The following CUEDC1 variants were observed in gnomAD, a reference collection of about 807,000 sequenced individuals.
CUEDC1 encodes CUE domain containing 1.
A neutral mutation model predicts 43.7 loss-of-function variants in CUEDC1; 30 were observed. That is an observed-to-expected ratio of 0.69 (90% CI 0.51 to 0.93). The LOEUF (loss-of-function observed/expected upper bound fraction) is 0.93, where lower values mean the gene tolerates loss of function less well. Ranked by LOEUF, CUEDC1 falls within the 40% of genes least tolerant of loss-of-function variation. The pLI is 0.00. For missense variants in CUEDC1, 486 were observed against 549.0 expected (o/e 0.89, Z 1.15); for synonymous variants, 223 against 223.6 (o/e 1.00, Z 0.02).
At position 57,928,483 on chromosome 17, in the gene CUEDC1, C is replaced by T. The variant is rs1262144398; in HGVS notation, c.-316+26742G>A. ...AGAATGGCGTGAACCCAGAAGGTGGCGCTTACAGTGAGCTGAGATCGCCAC... is the reference window on the plus strand; with the variant it reads ...AGAATGGCGTGAACCCAGAAGGTGGTGCTTACAGTGAGCTGAGATCGCCAC... On this transcript the variant is annotated intron_variant, in intron 1 of 10. Coordinates refer to ENST00000577830, the MANE Select transcript of CUEDC1 (RefSeq NM_001271875.2). Among the ~76,000 whole-genome samples the T allele has an allele frequency of 2.7e-5, 4 of 146,140 alleles. No individual in the cohort carries two copies. In the East Asian group the frequency reaches 6.0e-4, roughly 22 times the overall value.
rs2074284104 is a variant in CUEDC1 at position 57,885,842 on chromosome 17, C to T, written c.-278G>A. ...GCTGGGCGGCCGGTCATCCACACCC[C>T]CGGTGCATCCTGGCACCGGTTTCAC... is the stretch of plus-strand genomic sequence containing the variant. On this transcript the variant is annotated 5_prime_UTR_variant, in exon 2 of 11. Coordinates refer to ENST00000577830, the MANE Select transcript of CUEDC1 (RefSeq NM_001271875.2). 3.1e-6 allele frequency: 1 copy of T among 319,054 alleles called. No individual in the cohort carries two copies. Among genetic ancestry groups the T allele is most frequent in the East Asian group, 5.5e-5 (1 of 18,220 alleles). The allele number at this position is 319,054 out of a possible 1,614,324, so 19.8% of individuals were successfully genotyped here.
At chr17:57,934,815 C>G (rs2074844668) in intron 1 of CUEDC1, among the ~76,000 whole-genome samples, 1 of 152,120 alleles carries the variant, frequency 6.6e-6, no homozygotes. Flanking sequence ...TCAAACAATT[C>G]TCATGCCTCA....
chr17:57,875,065 AT>A (rs2074097432), intron 3 of CUEDC1, among the ~76,000 whole-genome samples: 1 of 151,882 alleles, frequency 6.6e-6, no homozygotes, highest in Admixed American at 6.6e-5. Context: ...CCTAGGCCAA[AT>A]TTTTTTCTAC....
chr17:57,940,047 G>C (rs1489215331), intron 1 of CUEDC1, among the ~76,000 whole-genome samples: 1 of 151,988 alleles, frequency 6.6e-6, no homozygotes, highest in Non-Finnish European at 1.5e-5. Flanking sequence ...CTTCAGTAGA[G>C]TCTGAACTGA....
intron 1 of CUEDC1, among the ~76,000 whole-genome samples, chr17:57,952,243 G>A (rs1041562881): frequency 6.9e-5 from 9 of 130,374 alleles, no homozygotes; most frequent in Admixed American, 2.3e-4. Context: ...TTTTTTTTTT[G>A]GAGACAAAGT....
intron 1 of CUEDC1, among the ~76,000 whole-genome samples, chr17:57,924,086 C>T (rs998910710): frequency 2.6e-5 from 4 of 151,036 alleles, no homozygotes; most frequent in Non-Finnish European, 5.9e-5. Context: ...TACAGGCACA[C>T]ACCACTGTGC....
At chr17:57,905,240 T>C (rs2074516276) in intron 1 of CUEDC1, among the ~76,000 whole-genome samples, 2 of 92,732 alleles carry the variant, frequency 2.2e-5, no homozygotes, top group African/African-American at 6.8e-5. Context: ...AGCTTCTCTC[T>C]CTCTCTCTGA....
At chr17:57,867,686 C>T (rs2073979961) in intron 8 of CUEDC1, 2 of 558,294 alleles carry the variant, frequency 3.6e-6, no homozygotes, top group Non-Finnish European at 6.4e-6. Flanking sequence ...CTCTGCTATC[C>T]TAGGCCCTGT....
chr17:57,933,690 C>T (rs891056934), intron 1 of CUEDC1, among the ~76,000 whole-genome samples: 4 of 152,160 alleles, frequency 2.6e-5, no homozygotes, highest in South Asian at 2.1e-4. Flanking sequence ...CCACCTCTCC[C>T]GGCCAGACTG....
At chr17:57,924,251 G>A (rs1329512651) in intron 1 of CUEDC1, among the ~76,000 whole-genome samples, 7 of 152,128 alleles carry the variant, frequency 4.6e-5, no homozygotes, top group African/African-American at 9.7e-5. Context: ...GACTACGGGC[G>A]GACGCCACCA....
chr17:57,902,198 AAAAAAAC>A (rs1000141383), intron 1 of CUEDC1, among the ~76,000 whole-genome samples: 20 of 151,914 alleles, frequency 1.3e-4, no homozygotes, highest in Admixed American at 4.6e-4. Flanking sequence ...CCTCAGAAAA[AAAAAAAC>A]AAAAAACAAA....
At chr17:57,885,124 T>C (rs2074268448) in intron 2 of CUEDC1, 105 bp downstream of exon 2, 5 of 1,465,032 alleles carry the variant, frequency 3.4e-6, no homozygotes, top group Non-Finnish European at 4.5e-6. Context: ...ACCCAGGTCC[T>C]CTTAGAGGTT....
At chr17:57,874,881 C>G (rs1317588551) in intron 3 of CUEDC1, among the ~76,000 whole-genome samples, 1 of 141,462 alleles carries the variant, frequency 7.1e-6, no homozygotes. Context: ...GGGGAAGGGG[C>G]GGGGGCGGCA....
At chr17:57,871,392 G>C in intron 5 of CUEDC1, 23 bp from the exon 6 acceptor site, 1 of 1,605,088 alleles carries the variant, frequency 6.2e-7, no homozygotes, top group Non-Finnish European at 8.5e-7. Flanking sequence ...CACATTCACA[G>C]GTCAGGGAGG....
At chr17:57,927,937 C>T (rs2074764417) in intron 1 of CUEDC1, among the ~76,000 whole-genome samples, 2 of 152,170 alleles carry the variant, frequency 1.3e-5, no homozygotes, top group Non-Finnish European at 2.9e-5. Context: ...TAGCTGTACC[C>T]AAGGTTAACA....
rs567894314 is a variant in CUEDC1, at chr17:57,866,491, G to A, written c.1147C>T (p.Arg383Ter). The A allele has an allele frequency of 1.8e-4, 284 of 1,614,070 alleles. 1 individual carries two copies. The highest frequency in any genetic ancestry group is 1.7e-3 in the South Asian group (159 of 91,078). Residue 383 changes from arginine (R) to a stop codon, truncating the protein, a stop_gained, in exon 10 of 11, where the codon CGA (arginine) becomes TGA (stop). Transcript: ENST00000577830. LOFTEE classifies it high-confidence loss of function. The part of the protein sequence containing the change: ...QEAPKVEEGL[R>*]EGQ ...GGCCTTACCTCTTACTGTCCTTCTC[G>A]CAGGCCTTCCTCCACCTTGGGTGCC...
intron 2 of CUEDC1, among the ~76,000 whole-genome samples, chr17:57,882,341 C>T (rs376495393): frequency 3.3e-5 from 5 of 150,686 alleles, no homozygotes; most frequent in Non-Finnish European, 4.4e-5. Flanking sequence ...GGAGGGGTAC[C>T]GGGAGGGGGC....
intron 1 of CUEDC1, among the ~76,000 whole-genome samples, chr17:57,950,295 C>T (rs1165575357): frequency 1.3e-5 from 2 of 151,610 alleles, no homozygotes; most frequent in East Asian, 1.9e-4. Context: ...GGACTACAGG[C>T]GCCTGCCGCC....
intron 1 of CUEDC1, among the ~76,000 whole-genome samples, chr17:57,950,496 A>C (rs909275620): frequency 3.4e-4 from 50 of 147,200 alleles, no homozygotes; most frequent in African/African-American, 1.2e-3. Context: ...TTTTTGAGAC[A>C]GAGTCTCGCT....
Sources: gnomAD v4.1 joint callset for allele counts (sites outside exome capture counted in the v4.1 genomes callset) on GRCh38, gnomAD v4.1.1 for gene constraint, MANE v1.5 for transcripts, NCBI Gene and HGNC (gene_info 2026-07-23, HGNC 2026-07-21) for gene names.